Variants in IPMK observed in about 807,000 individuals in gnomAD.
IPMK encodes inositol 1,3,4,6-tetrakisphosphate 5-kinase.
In IPMK, 17 loss-of-function variants were observed where a neutral mutation model predicts 45.8. The ratio of observed to expected loss-of-function variants is 0.37; its 90% CI spans 0.25 to 0.56. The LOEUF is 0.56. Ranked by LOEUF, IPMK falls within the 20% of genes least tolerant of loss-of-function variation. The pLI is 0.79. For synonymous variants in IPMK, 180 were observed against 184.3 expected, an observed-to-expected ratio of 0.98 and a Z score of 0.19; for missense variants, 399 against 498.0, an observed-to-expected ratio of 0.80 and a Z score of 1.89.
intron 4 of IPMK, among the ~76,000 whole-genome samples, chr10:58,211,287 G>A (rs896347717): frequency 6.6e-6 from 1 of 151,902 alleles, no homozygotes; most frequent in Non-Finnish European, 1.5e-5. Context: ...CACTTCCTGG[G>A]TTCAAGTGAT....
At chr10:58,221,627 T>A (rs956035229) in intron 3 of IPMK, among the ~76,000 whole-genome samples, 1 of 152,198 alleles carries the variant, frequency 6.6e-6, no homozygotes, top group Non-Finnish European at 1.5e-5. Context: ...AGTACAATCA[T>A]GGCTCACTGC....
chr10:58,226,299 A>G lies in IPMK; in HGVS notation c.373+744T>C, dbSNP rs943704321. 5.9e-5 allele frequency among the ~76,000 whole-genome samples: 9 copies of G among 152,194 alleles called. No homozygotes were observed. The East Asian group carries it at 1.5e-3, about 26-fold the overall frequency. Reference sequence around the variant, plus strand: ...TGGTTCAAGAACTATCCACATCAGAAACACCCATGGCTTTTATTTAACAGG... The same window carrying G: ...TGGTTCAAGAACTATCCACATCAGAGACACCCATGGCTTTTATTTAACAGG... On this transcript the variant is annotated intron_variant, in intron 3 of 5. Transcript: ENST00000373935.
intron 5 of IPMK, among the ~76,000 whole-genome samples, chr10:58,197,296 C>G (rs1358632362): frequency 1.2e-5 from 1 of 85,762 alleles, no homozygotes; most frequent in African/African-American, 8.6e-5. Context: ...GAGACTCCGT[C>G]TCAAAAATAA....
At chr10:58,243,512 G>C (rs1364824888) in intron 1 of IPMK, among the ~76,000 whole-genome samples, 1 of 152,186 alleles carries the variant, frequency 6.6e-6, no homozygotes, top group African/African-American at 2.4e-5. Flanking sequence ...TGTGATTCCA[G>C]GCACGTGCCG....
chr10:58,255,311 T>C (rs1838948852), intron 1 of IPMK, among the ~76,000 whole-genome samples: 1 of 152,242 alleles, frequency 6.6e-6, no homozygotes, highest in Non-Finnish European at 1.5e-5. Context: ...GGGCTTTCCA[T>C]GAAGATTCCC....
chr10:58,236,326 G>C (rs999603983), intron 2 of IPMK, among the ~76,000 whole-genome samples: 1 of 152,070 alleles, frequency 6.6e-6, no homozygotes, highest in Non-Finnish European at 1.5e-5. Flanking sequence ...ATCAAAAGCA[G>C]ATAAAGATAA....
chr10:58,243,861 G>A (rs1392278592), intron 1 of IPMK, among the ~76,000 whole-genome samples: 2 of 151,812 alleles, frequency 1.3e-5, no homozygotes, highest in Non-Finnish European at 2.9e-5. Context: ...CCTCTGCCCG[G>A]CCGCCCCATC....
intron 4 of IPMK, among the ~76,000 whole-genome samples, chr10:58,206,903 A>G (rs977733334): frequency 6.6e-6 from 1 of 152,194 alleles, no homozygotes; most frequent in African/African-American, 2.4e-5. Flanking sequence ...TTCTCTTAGA[A>G]TAATGGTCTC....
At chr10:58,216,418 A>G in intron 3 of IPMK, 101 bp from the exon 4 acceptor site, 1 of 518,688 alleles carries the variant, frequency 1.9e-6, no homozygotes, top group Non-Finnish European at 3.1e-6. Context: ...AACAGAGAAA[A>G]AAGTTAAAAT....
intron 1 of IPMK, among the ~76,000 whole-genome samples, chr10:58,262,681 G>T (rs897635399): frequency 5.3e-5 from 8 of 152,184 alleles, no homozygotes; most frequent in Non-Finnish European, 5.9e-5. Flanking sequence ...TGTTATGACA[G>T]AAAGGAAGTG....
intron 4 of IPMK, among the ~76,000 whole-genome samples, chr10:58,201,174 T>A: frequency 6.6e-6 from 1 of 152,148 alleles, no homozygotes; most frequent in East Asian, 1.9e-4. Flanking sequence ...ATAAGTATAA[T>A]ATGATATCTT....
chr10:58,258,448 A>T (rs990103781), intron 1 of IPMK, among the ~76,000 whole-genome samples: 1 of 152,226 alleles, frequency 6.6e-6, no homozygotes. Context: ...TAAATGGAGC[A>T]TTTACCAAGA....
At chr10:58,235,075 A>T (rs1838588154) in intron 2 of IPMK, among the ~76,000 whole-genome samples, 1 of 152,282 alleles carries the variant, frequency 6.6e-6, no homozygotes. Context: ...AATGCTCATC[A>T]GCACTGGTCA....
rs1216094891 is a variant in IPMK, at chr10:58,195,769, C to T, written c.*307G>A. 5 of 228,284 alleles carry T rather than the reference C, an allele frequency of 2.2e-5. No homozygotes were observed. The highest frequency in any genetic ancestry group is 8.5e-6 in the Non-Finnish European group (1 of 116,968). The allele number at this position is 228,284 out of a possible 1,614,324, so 14.1% of individuals were successfully genotyped here. ...TCATGAATTGGCTACAGAAAGCTAA[C>T]TAAACTCTTAATGACTGAATAATGG... On this transcript the variant is annotated 3_prime_UTR_variant, in exon 6 of 6. Transcript: ENST00000373935.
chr10:58,209,589 T>C (rs1838126017), intron 4 of IPMK, among the ~76,000 whole-genome samples: 1 of 152,180 alleles, frequency 6.6e-6, no homozygotes, highest in Non-Finnish European at 1.5e-5. Flanking sequence ...TGTCTGCCTG[T>C]GATGCGATCA....
rs890988589 is a variant in IPMK, at chr10:58,235,186, T to C, written c.276+2543A>G. Among the ~76,000 whole-genome samples, 21 of 152,280 alleles carry C rather than the reference T, an allele frequency of 1.4e-4. 1 individual carries two copies. The highest frequency in any genetic ancestry group is 2.8e-4 in the Non-Finnish European group (19 of 68,020). The stretch of plus-strand genomic sequence containing the variant: ...GAAACAACAGATGCTGGAGAGGATG[T>C]GGAGAAATAGGAACACTTTTACACT... On this transcript the variant is annotated intron_variant, in intron 2 of 5. Transcript: ENST00000373935.
In IPMK at chr10:58,196,165, G is replaced by C; in HGVS notation, c.1162C>G (p.His388Asp). The C allele has an allele frequency of 6.2e-7, 1 of 1,614,012 alleles. No individual in the cohort carries two copies. The highest frequency in any genetic ancestry group is 8.5e-7 in the Non-Finnish European group (1 of 1,179,922). ...EVEVRMIDFA[H>D]VFPSNTIDEG... The stretch of plus-strand genomic sequence containing the variant: ...TCTATTGTGTTGCTAGGGAACACAT[G>C]AGCAAAATCTATCATTCGCACTTCT... Residue 388 changes from histidine to aspartate, a missense_variant, in exon 6 of 6, where the codon CAT becomes GAT. His to Asp is a moderately conservative substitution (Grantham distance 81). Around this residue, in one of 2 missense-constraint regions of IPMK, gnomAD observed 288 missense variants for 398.0 expected, o/e 0.72. Coordinates refer to ENST00000373935, the MANE Select transcript of IPMK (RefSeq NM_152230.5).
chr10:58,193,158 A>T lies in IPMK; in HGVS notation c.*2918T>A, dbSNP rs1837840780. The stretch of plus-strand genomic sequence containing the variant: ...GCATGAAACAAAAAATTGCAACTGA[A>T]GTATCTGTGGAAATTCCTTTTTCTT... On this transcript the variant is annotated 3_prime_UTR_variant, in exon 6 of 6. Transcript: ENST00000373935. The T allele has an allele frequency of 6.6e-6, 1 of 152,022 alleles. No homozygotes were observed. Among genetic ancestry groups the T allele is most frequent in the African/African-American group, 2.4e-5 (1 of 41,468 alleles). 9.4% of individuals were successfully genotyped at this position (152,022 alleles called of 1,614,324 possible).
intron 3 of IPMK, among the ~76,000 whole-genome samples, chr10:58,219,370 A>G (rs1838296351): frequency 6.6e-6 from 1 of 152,236 alleles, no homozygotes; most frequent in Admixed American, 6.5e-5. Context: ...TAAATAGAAA[A>G]ACAGGGCATG....
Sources: gnomAD v4.1 joint callset for allele counts (sites outside exome capture counted in the v4.1 genomes callset) on GRCh38, gnomAD v4.1.1 for gene constraint, gnomAD v4.1.1 regional missense constraint, MANE v1.5 for transcripts, NCBI Gene and HGNC (gene_info 2026-07-23, HGNC 2026-07-21) for gene names.